GIMAP2: variants seen among roughly 807,000 people sequenced by gnomAD.
GIMAP2 encodes GTPase IMAP family member 2.
In GIMAP2, 22 loss-of-function variants were observed where a neutral mutation model predicts 25.5. That is an observed-to-expected ratio of 0.86 (90% CI 0.62 to 1.23). GIMAP2 has a LOEUF of 1.23. GIMAP2 is among the 50% of genes most tolerant of loss of function. The pLI, the probability that GIMAP2 is intolerant of heterozygous loss-of-function variation, is 0.00. For synonymous variants in GIMAP2, 167 were observed against 143.0 expected, an observed-to-expected ratio of 1.17 and a Z score of -1.20; for missense variants, 422 against 395.7, an observed-to-expected ratio of 1.07 and a Z score of -0.56.
rs765810038 is a variant in GIMAP2 at position 150,692,759 on chromosome 7, A to C, written c.473A>C (p.Asp158Ala). The change falls in exon 3 of 3, where the codon GAT (aspartate) becomes GCT (alanine). Residue 158 changes from aspartate (D) to alanine (A), a missense_variant. Physicochemically the swap from Asp to Ala is moderately radical, Grantham distance 126. Coordinates refer to ENST00000223293, the MANE Select transcript of GIMAP2 (RefSeq NM_015660.3). ...GACCTCAATGGTGGCTCCCTGATGG[A>C]TTACATGCACGACTCAGATAACAAA... ...KEDLNGGSLM[D>A]YMHDSDNKAL... 3.1e-6 allele frequency: 5 copies of C among 1,614,092 alleles called. No homozygotes were observed. The highest frequency in any genetic ancestry group is 1.3e-5 in the African/African-American group (1 of 74,924).
chr7:150,691,529 C>T (rs554743994), intron 2 of GIMAP2, among the ~76,000 whole-genome samples: 16 of 152,288 alleles, frequency 1.1e-4, no homozygotes, highest in Non-Finnish European at 1.8e-4. Context: ...GTTGTTTCTT[C>T]ACTAATAAAA....
In GIMAP2 at chr7:150,692,663, C is replaced by A. The variant is rs144177217; in HGVS notation, c.377C>A (p.Ala126Glu). 4.7e-4 allele frequency: 758 copies of A among 1,614,084 alleles called. 1 individual carries two copies. The highest frequency in any genetic ancestry group is 5.7e-4 in the Non-Finnish European group (677 of 1,180,050). The change falls in exon 3 of 3, where the codon GCA becomes GAA. Residue 126 changes from alanine to glutamate, a missense_variant. Physicochemically the swap from Ala to Glu is moderately radical, Grantham distance 107. Transcript: ENST00000223293. ...GRYTSQDQQAAQRVKEIFGED... is the reference protein window; with the variant it reads ...GRYTSQDQQAEQRVKEIFGED... ...TATACCTCACAGGACCAGCAGGCTG[C>A]ACAGAGGGTGAAGGAGATCTTTGGA...
chr7:150,688,789 C>T (rs916255152), intron 2 of GIMAP2, among the ~76,000 whole-genome samples: 6 of 152,182 alleles, frequency 3.9e-5, no homozygotes, highest in Admixed American at 1.3e-4. Context: ...ATCCCATGCC[C>T]CATTACAGCA....
rs1353141273 is a variant in GIMAP2 at position 150,693,265 on chromosome 7, G to T, written c.979G>T (p.Val327Phe). 1 of 1,593,372 alleles carries T rather than the reference G, an allele frequency of 6.3e-7. No homozygotes were observed. Among genetic ancestry groups the T allele is most frequent in the Non-Finnish European group, 8.5e-7 (1 of 1,173,588 alleles). The stretch of plus-strand genomic sequence containing the variant: ...AAAGTTAATGATATTTTTGAGAACA[G>T]TTATTAGACTAGAACGCAAGACTCC... ...PKKLMIFLRT[V>F]IRLERKTPRL The change falls in exon 3 of 3, where the codon GTT becomes TTT. Residue 327 changes from valine (V) to phenylalanine (F), a missense_variant. Coordinates refer to ENST00000223293, the MANE Select transcript of GIMAP2 (RefSeq NM_015660.3).
rs1292785362 is a variant in GIMAP2 at position 150,686,726 on chromosome 7, T to A, written c.-8-326T>A. Among the ~76,000 whole-genome samples, 3 of 151,716 alleles carry A rather than the reference T, an allele frequency of 2.0e-5. No individual in the cohort carries two copies. The East Asian group carries it at 5.8e-4, about 29-fold the overall frequency. Reference sequence around the variant, plus strand: ...TGGGAGGCCGAGGCTGGTGGATCATTTGAGGTCAGGAGTTTGAGACCAGCC... The same window carrying A: ...TGGGAGGCCGAGGCTGGTGGATCATATGAGGTCAGGAGTTTGAGACCAGCC... On this transcript the variant is annotated intron_variant, in intron 1 of 2. Coordinates refer to ENST00000223293, the MANE Select transcript of GIMAP2 (RefSeq NM_015660.3).
rs35656746 is a variant in GIMAP2 at position 150,687,105 on chromosome 7, C to CGTGTGTGTGTGTGTGTGTGT, written c.28+49_28+68dup. ...TCACTGGGGTAAGAAGGTGACTTCA[C>CGTGTGTGTGTGTGTGTGTGT]GTGTGTGTGTGTGTGTGTGTGTGTG... On this transcript the variant is annotated intron_variant, in intron 2 of 2. Transcript: ENST00000223293. The CGTGTGTGTGTGTGTGTGTGT allele has an allele frequency of 6.8e-5, 86 of 1,269,276 alleles. No homozygotes were observed. The African/African-American group carries it at 1.3e-3, about 19-fold the overall frequency. The allele number at this position is 1,269,276 out of a possible 1,614,324, so 78.6% of individuals were successfully genotyped here. A position where few individuals can be genotyped will look rare whatever the true frequency, so the allele number is the denominator to read the frequency against.
At position 150,692,513 on chromosome 7, in the gene GIMAP2, T is replaced by C. The variant is rs1381789814; in HGVS notation, c.227T>C (p.Ile76Thr). Reference protein sequence around the residue: ...GSWGNREIVIIDTPDMFSWKD... With the variant: ...GSWGNREIVITDTPDMFSWKD... ...TGGGGAAATAGAGAGATTGTCATTA[T>C]TGACACACCAGATATGTTTTCTTGG... is the stretch of plus-strand genomic sequence containing the variant. The change falls in exon 3 of 3, where the codon ATT (isoleucine) becomes ACT (threonine). Residue 76 changes from isoleucine (I) to threonine (T), a missense_variant. By Grantham distance (89) the Ile-to-Thr change is moderately conservative (BLOSUM62 -1). Coordinates refer to ENST00000223293, the MANE Select transcript of GIMAP2 (RefSeq NM_015660.3). 5 of 1,614,124 alleles carry C rather than the reference T, an allele frequency of 3.1e-6. No homozygotes were observed. Among genetic ancestry groups the C allele is most frequent in the Non-Finnish European group, 4.2e-6 (5 of 1,179,936 alleles).
intron 2 of GIMAP2, among the ~76,000 whole-genome samples, 195 bp from the exon 3 acceptor site, chr7:150,692,120 G>A (rs1796971635): frequency 6.6e-6 from 1 of 152,104 alleles, no homozygotes; most frequent in African/African-American, 2.4e-5. Flanking sequence ...CAGCTACTGG[G>A]AGGCTGAGGC....
chr7:150,690,447 A>G (rs1796954784), intron 2 of GIMAP2, among the ~76,000 whole-genome samples: 1 of 152,186 alleles, frequency 6.6e-6, no homozygotes, highest in Non-Finnish European at 1.5e-5. Flanking sequence ...GAACAAGACC[A>G]CTGGTGGGCA....
At chr7:150,691,446 T>C (rs1372562334) in intron 2 of GIMAP2, among the ~76,000 whole-genome samples, 1 of 152,254 alleles carries the variant, frequency 6.6e-6, no homozygotes, top group Non-Finnish European at 1.5e-5. Context: ...GTTTACCATA[T>C]TCTGTGACTA....
At chr7:150,688,017 T>C (rs895716309) in intron 2 of GIMAP2, among the ~76,000 whole-genome samples, 51 of 152,164 alleles carry the variant, frequency 3.4e-4, no homozygotes, top group African/African-American at 1.2e-3. Context: ...TCTGGCTTCA[T>C]TGTGTATGGA....
chr7:150,689,647 C>T (rs749766204), intron 2 of GIMAP2: 18 of 650,190 alleles, frequency 2.8e-5, no homozygotes, highest in African/African-American at 1.1e-4. Context: ...TACTGTGAGG[C>T]CATAATTTCA....
Position 150,692,442 on chromosome 7 carries a change from G to T in GIMAP2, c.156G>T (p.Leu52=), listed in dbSNP as rs1796977503. The T allele has an allele frequency of 6.2e-7, 1 of 1,614,086 alleles. No individual in the cohort carries two copies. Among genetic ancestry groups the T allele is most frequent in the Non-Finnish European group, 8.5e-7 (1 of 1,180,044 alleles). ...GGAAGCAAGCATTTGAATCGAAGCT[G>T]GGTTCCCAGACCTTGACTAAGACTT... ...ILRKQAFESK[L]GSQTLTKTCS... Residue 52 remains leucine (L), a synonymous_variant, in exon 3 of 3, where the codon CTG becomes CTT. Coordinates refer to ENST00000223293, the MANE Select transcript of GIMAP2 (RefSeq NM_015660.3).
At position 150,693,207 on chromosome 7, in the gene GIMAP2, T is replaced by A; in HGVS notation, c.921T>A (p.Asn307Lys). 6.2e-7 allele frequency: 1 copy of A among 1,611,132 alleles called. No homozygotes were observed. The highest frequency in any genetic ancestry group is 8.5e-7 in the Non-Finnish European group (1 of 1,178,448). ...GTTGCTTACTCTTTAGTATGTGCAA[T>A]TTATTCTGCAGTTTGCTGTTTATTA... The part of the protein sequence containing the change: ...LFCCLLFSMC[N>K]LFCSLLFIIP... The change falls in exon 3 of 3, where the codon AAT becomes AAA. Residue 307 changes from asparagine (N) to lysine (K), a missense_variant. Coordinates refer to ENST00000223293, the MANE Select transcript of GIMAP2 (RefSeq NM_015660.3).
At chr7:150,690,573 CACTA>C (rs996441426) in intron 2 of GIMAP2, among the ~76,000 whole-genome samples, 24 of 152,186 alleles carry the variant, frequency 1.6e-4, no homozygotes, top group African/African-American at 4.1e-4. Flanking sequence ...GGGTAGATTT[CACTA>C]ACTATTTAGG....
chr7:150,692,241 G>T (rs1396528433), intron 2 of GIMAP2, 74 bp from the exon 3 acceptor site: 2 of 1,389,630 alleles, frequency 1.4e-6, no homozygotes, highest in Non-Finnish European at 1.9e-6. Context: ...AAAAGAAAAA[G>T]AAATGAAAGG....
At chr7:150,686,349 TG>T (rs1796900103) in intron 1 of GIMAP2, among the ~76,000 whole-genome samples, 1 of 151,246 alleles carries the variant, frequency 6.6e-6, no homozygotes. Flanking sequence ...GGAGGCAAGG[TG>T]GGAAAAGAAA....
At chr7:150,689,461 A>G (rs1796941133) in intron 2 of GIMAP2, 1 of 701,862 alleles carries the variant, frequency 1.4e-6, no homozygotes, top group Admixed American at 2.0e-5. Context: ...CTTCTCTTCA[A>G]TGACTCCCTT....
chr7:150,687,140 G>A, intron 2 of GIMAP2, 53 bp downstream of exon 2: 1 of 1,112,832 alleles, frequency 9.0e-7, no homozygotes, highest in Non-Finnish European at 1.3e-6. Context: ...GTGTGTGTGT[G>A]TGTGTGTGTG....
Sources: gnomAD v4.1 joint callset for allele counts (sites outside exome capture counted in the v4.1 genomes callset) on GRCh38, gnomAD v4.1.1 for gene constraint, MANE v1.5 for transcripts, NCBI Gene and HGNC (gene_info 2026-07-23, HGNC 2026-07-21) for gene names.